Variants in ALK observed in about 807,000 individuals in gnomAD.
ALK encodes the protein ALK tyrosine kinase receptor.
In ALK, 74 loss-of-function variants were observed where a neutral mutation model predicts 163.1. The ratio of observed to expected loss-of-function variants is 0.45; its 90% CI spans 0.38 to 0.55. ALK has a LOEUF of 0.55. Ranked by LOEUF, ALK falls within the 20% of genes least tolerant of loss-of-function variation. The pLI is 0.00. For synonymous variants in ALK, 960 were observed against 843.2 expected (o/e 1.14, Z -2.40); for missense variants, 2,063 against 2,105.3 (o/e 0.98, Z 0.39).
At chr2:29,637,544 A>G (rs1469171131) in intron 3 of ALK, among the ~76,000 whole-genome samples, 1 of 152,014 alleles carries the variant, frequency 6.6e-6, no homozygotes, top group East Asian at 1.9e-4. Context: ...TCCCTTCTCT[A>G]CTAAAAAATA....
At chr2:29,564,454 C>T (rs958884140) in intron 3 of ALK, among the ~76,000 whole-genome samples, 1 of 151,688 alleles carries the variant, frequency 6.6e-6, no homozygotes, top group Non-Finnish European at 1.5e-5. Flanking sequence ...CCCACCGCCA[C>T]CCTTGTAAGA....
chr2:29,594,048 A>T (rs1303672962), intron 3 of ALK, among the ~76,000 whole-genome samples: 1 of 152,170 alleles, frequency 6.6e-6, no homozygotes, highest in Admixed American at 6.5e-5. Context: ...TTTTACTAGT[A>T]TCTAGTGGGT....
At chr2:29,282,027 A>G (rs915295024) in intron 9 of ALK, among the ~76,000 whole-genome samples, 4 of 152,164 alleles carry the variant, frequency 2.6e-5, no homozygotes, top group Admixed American at 1.3e-4. Context: ...GAAGCTTTGG[A>G]GGGCAGAGCA....
chr2:29,298,747 T>C (rs1041523813), intron 8 of ALK, among the ~76,000 whole-genome samples: 5 of 152,316 alleles, frequency 3.3e-5, no homozygotes, highest in Middle Eastern at 3.4e-3. Context: ...TTCTCTCTTT[T>C]TTGTGGGCCC....
intron 4 of ALK, among the ~76,000 whole-genome samples, chr2:29,441,638 C>G (rs1670548835): frequency 6.6e-6 from 1 of 152,164 alleles, no homozygotes; most frequent in Non-Finnish European, 1.5e-5. Context: ...GCTGTGTATA[C>G]CACCTTAACA....
At chr2:29,406,006 G>A (rs1454504850) in intron 4 of ALK, among the ~76,000 whole-genome samples, 2 of 152,180 alleles carry the variant, frequency 1.3e-5, no homozygotes, top group Non-Finnish European at 2.9e-5. Flanking sequence ...ACAATGCCAT[G>A]TACCCAGAGG....
At chr2:29,337,528 G>GATA in intron 5 of ALK, among the ~76,000 whole-genome samples, 1 of 152,234 alleles carries the variant, frequency 6.6e-6, no homozygotes, top group East Asian at 1.9e-4. Context: ...TCAGAACCAC[G>GATA]CAGGAGCTTC....
rs939637065 is a variant in ALK at position 29,458,869 on chromosome 2, C to A, written c.1154+73046G>T. The stretch of plus-strand genomic sequence containing the variant: ...CAACCTGCCCTTTTGTTTGGTGTTC[C>A]CCTTTCTGATACTCCCAAATGCCCA... On this transcript the variant is annotated intron_variant, in intron 4 of 28. Transcript: ENST00000389048. Among the ~76,000 whole-genome samples the A allele has an allele frequency of 1.5e-4, 23 of 152,238 alleles. 1 individual carries two copies. Among genetic ancestry groups the A allele is most frequent in the Admixed American group, 3.9e-4 (6 of 15,288 alleles).
chr2:29,261,016 GC>G (rs1665076146), intron 11 of ALK, among the ~76,000 whole-genome samples: 1 of 152,000 alleles, frequency 6.6e-6, no homozygotes, highest in Admixed American at 6.5e-5. Flanking sequence ...GCCCTTTCCT[GC>G]AATGACGTTT....
At position 29,247,194 on chromosome 2, in the gene ALK, T is replaced by C. The variant is rs1002488341; in HGVS notation, c.2204+3911A>G. Reference sequence around the variant, plus strand: ...TCCCCCGGCCTCCGCGGCAGCGCCTTGTGGAAACCTCCACTGTAGTTCTCC... The same window carrying C: ...TCCCCCGGCCTCCGCGGCAGCGCCTCGTGGAAACCTCCACTGTAGTTCTCC... On this transcript the variant is annotated intron_variant, in intron 12 of 28. Coordinates refer to ENST00000389048, the MANE Select transcript of ALK (RefSeq NM_004304.5). Among the ~76,000 whole-genome samples, 273 of 152,210 alleles carry C rather than the reference T, an allele frequency of 1.8e-3. 14 individuals are homozygous for C. Among genetic ancestry groups the C allele is most frequent in the Admixed American group, 0.018 (271 of 15,298 alleles).
At chr2:29,510,317 A>G (rs1362419460) in intron 4 of ALK, among the ~76,000 whole-genome samples, 1 of 152,172 alleles carries the variant, frequency 6.6e-6, no homozygotes, top group Admixed American at 6.5e-5. Flanking sequence ...TTGCTATTTT[A>G]AATCATAAAA....
chr2:29,592,687 C>T (rs59501233), intron 3 of ALK, among the ~76,000 whole-genome samples: 3,416 of 152,276 alleles, frequency 0.022, 115 homozygotes, highest in African/African-American at 0.077. Context: ...ATGTACTAGT[C>T]CTAACCGCTG....
At chr2:29,514,291 A>C (rs2148143517) in intron 4 of ALK, among the ~76,000 whole-genome samples, 1 of 148,098 alleles carries the variant, frequency 6.8e-6, no homozygotes, top group South Asian at 2.2e-4. Context: ...AAAATGTGGC[A>C]CATATACACC....
At chr2:29,368,399 C>T (rs558148902) in intron 5 of ALK, among the ~76,000 whole-genome samples, 1 of 152,126 alleles carries the variant, frequency 6.6e-6, no homozygotes, top group South Asian at 2.1e-4. Context: ...AGACAGTGGC[C>T]CCTCATACGT....
intron 11 of ALK, among the ~76,000 whole-genome samples, chr2:29,260,158 T>C (rs915114902): frequency 1.3e-5 from 2 of 152,232 alleles, no homozygotes; most frequent in African/African-American, 4.8e-5. Context: ...TTAGCCTTCA[T>C]TTTTGAAAAT....
intron 5 of ALK, among the ~76,000 whole-genome samples, chr2:29,335,922 C>T (rs2148265937): frequency 6.6e-6 from 1 of 152,194 alleles, no homozygotes; most frequent in South Asian, 2.1e-4. Flanking sequence ...CACCTGTAAT[C>T]ACAGCTACTT....
chr2:29,303,891 G>A (rs746840243), intron 8 of ALK, among the ~76,000 whole-genome samples: 1 of 152,200 alleles, frequency 6.6e-6, no homozygotes, highest in African/African-American at 2.4e-5. Flanking sequence ...AAAGGTGGGA[G>A]AGTAGGGGGA....
chr2:29,309,853 G>A (rs560646316), intron 8 of ALK, among the ~76,000 whole-genome samples: 1 of 152,272 alleles, frequency 6.6e-6, no homozygotes, highest in African/African-American at 2.4e-5. Context: ...ACCTGCCCAC[G>A]TGTTGCTGAT....
At position 29,214,094 on chromosome 2, in the gene ALK, A is replaced by G. The variant is rs2148159628; in HGVS notation, c.3646-13T>C. ...AGGAGGGCTGGCTCTGTGGGGAGACAGAAGCGGGCCACTGACGAGGAGCTT... is the reference window on the plus strand; with the variant it reads ...AGGAGGGCTGGCTCTGTGGGGAGACGGAAGCGGGCCACTGACGAGGAGCTT... On this transcript the variant is annotated splice_polypyrimidine_tract_variant and intron_variant, in intron 23 of 28. Transcript: ENST00000389048. The G allele has an allele frequency of 1.2e-6, 2 of 1,612,014 alleles. No homozygotes were observed.
Sources: allele counts gnomAD v4.1 joint callset (sites outside exome capture counted in the v4.1 genomes callset), GRCh38; gene constraint gnomAD v4.1.1; transcripts MANE v1.5; gene names NCBI Gene and HGNC (gene_info 2026-07-23, HGNC 2026-07-21).